SPECC1L: variants seen among roughly 807,000 people sequenced by gnomAD.
SPECC1L encodes sperm antigen with calponin homology and coiled-coil domains 1 like.
A neutral mutation model predicts 116.8 loss-of-function variants in SPECC1L; 40 were observed. That is an observed-to-expected ratio of 0.34 (90% CI 0.27 to 0.45). The LOEUF is 0.45. Ranked by LOEUF, SPECC1L falls within the 20% of genes least tolerant of loss-of-function variation. The pLI, the probability that SPECC1L is intolerant of heterozygous loss-of-function variation, is 1.00. For missense variants in SPECC1L, 1,110 were observed against 1,373.6 expected (o/e 0.81, Z 3.03); for synonymous variants, 504 against 500.6 (o/e 1.01, Z -0.09).
Position 24,411,572 on chromosome 22 carries a change from T to TC in SPECC1L, c.3088-15dup, listed in dbSNP as rs1364435268. On this transcript the variant is annotated splice_polypyrimidine_tract_variant and intron_variant, in intron 14 of 16. Coordinates refer to ENST00000314328, the MANE Select transcript of SPECC1L (RefSeq NM_015330.6). ...CCAGCATGTGTTGGTTACATGTTTT[T>TC]CTTCCTTTCCTTCAGAATATTGACA... The TC allele has an allele frequency of 6.2e-7, 1 of 1,610,906 alleles. No individual in the cohort carries two copies. The highest frequency in any genetic ancestry group is 8.5e-7 in the Non-Finnish European group (1 of 1,177,258).
chr22:24,345,755 G>A (rs949896980), intron 10 of SPECC1L, among the ~76,000 whole-genome samples: 3 of 152,172 alleles, frequency 2.0e-5, no homozygotes, highest in Admixed American at 6.5e-5. Context: ...AAAGGCTGAC[G>A]ATCTGAAGTG....
At chr22:24,388,786 T>C (rs909680753) in intron 14 of SPECC1L, among the ~76,000 whole-genome samples, 2 of 109,470 alleles carry the variant, frequency 1.8e-5, no homozygotes, top group Non-Finnish European at 4.0e-5. Flanking sequence ...ACAGATATCT[T>C]ATAAAAGTTA....
chr22:24,371,917 C>T (rs765069132), intron 14 of SPECC1L, among the ~76,000 whole-genome samples: 5 of 152,154 alleles, frequency 3.3e-5, no homozygotes, highest in Admixed American at 6.5e-5. Flanking sequence ...GACGAGGTTT[C>T]GCCATGTTGG....
intron 2 of SPECC1L, among the ~76,000 whole-genome samples, chr22:24,278,235 C>T (rs1285819333): frequency 2.6e-5 from 4 of 152,176 alleles, no homozygotes; most frequent in Non-Finnish European, 5.9e-5. Context: ...GTGGCACACA[C>T]CTGTAGTCCC....
At chr22:24,360,954 G>A (rs182960164) in intron 11 of SPECC1L, among the ~76,000 whole-genome samples, 262 of 152,274 alleles carry the variant, frequency 1.7e-3, no homozygotes, top group Admixed American at 4.2e-3. Flanking sequence ...CTTATGGGTT[G>A]TTTACACAGA....
intron 3 of SPECC1L, among the ~76,000 whole-genome samples, chr22:24,304,700 TTAA>T (rs2049454239): frequency 6.6e-6 from 1 of 152,264 alleles, no homozygotes; most frequent in Admixed American, 6.5e-5. Flanking sequence ...CAGACATGAA[TTAA>T]TAAGCTTCAG....
chr22:24,377,780 AG>A (rs778589083), intron 14 of SPECC1L, among the ~76,000 whole-genome samples: 2 of 152,240 alleles, frequency 1.3e-5, no homozygotes, highest in Non-Finnish European at 2.9e-5. Context: ...TGAAAGGAAC[AG>A]TGGGCTTAAA....
chr22:24,397,505 G>A (rs764860085), intron 14 of SPECC1L, among the ~76,000 whole-genome samples: 40 of 152,138 alleles, frequency 2.6e-4, no homozygotes, highest in Non-Finnish European at 5.1e-4. Flanking sequence ...CAGGTGCTTG[G>A]AGGGTGAGGT....
At chr22:24,275,150 G>A (rs1459996844) in intron 1 of SPECC1L, among the ~76,000 whole-genome samples, 1 of 152,234 alleles carries the variant, frequency 6.6e-6, no homozygotes, top group Non-Finnish European at 1.5e-5. Flanking sequence ...TTGGGATTTG[G>A]CACACTATGT....
chr22:24,312,777 T>A (rs947299330), intron 3 of SPECC1L, among the ~76,000 whole-genome samples: 5 of 152,216 alleles, frequency 3.3e-5, no homozygotes, highest in African/African-American at 1.2e-4. Flanking sequence ...GTAAAGCCTC[T>A]AGTTTTTTAT....
At chr22:24,277,827 A>G (rs927666509) in intron 2 of SPECC1L, among the ~76,000 whole-genome samples, 1 of 152,262 alleles carries the variant, frequency 6.6e-6, no homozygotes, top group Non-Finnish European at 1.5e-5. Context: ...GAATAATGCT[A>G]CTGTGAACAA....
intron 3 of SPECC1L, among the ~76,000 whole-genome samples, chr22:24,310,697 C>G (rs2040445750): frequency 6.6e-6 from 1 of 151,870 alleles, no homozygotes; most frequent in South Asian, 2.1e-4. Flanking sequence ...AATTTTAAAG[C>G]ATTCTGTGTT....
rs775908018 is a variant in SPECC1L, at chr22:24,313,418, T to A, written c.259T>A (p.Ser87Thr). 6.2e-7 allele frequency: 1 copy of A among 1,614,206 alleles called. No individual in the cohort carries two copies. The highest frequency in any genetic ancestry group is 8.5e-7 in the Non-Finnish European group (1 of 1,180,040). The part of the protein sequence containing the change: ...STCPSAAPSA[S>T]APAMTTVENK... ...CTGCCCATCTGCAGCACCTTCAGCA[T>A]CTGCCCCTGCCATGACCACCGTGGA... The change falls in exon 4 of 17, where the codon TCT becomes ACT. Residue 87 changes from serine (S) to threonine (T), a missense_variant. Coordinates refer to ENST00000314328, the MANE Select transcript of SPECC1L (RefSeq NM_015330.6).
At chr22:24,291,924 A>G (rs2049163929) in intron 2 of SPECC1L, among the ~76,000 whole-genome samples, 1 of 152,240 alleles carries the variant, frequency 6.6e-6, no homozygotes, top group Non-Finnish European at 1.5e-5. Context: ...TATTAATTAA[A>G]TAGGAAATTT....
In SPECC1L at chr22:24,414,751, C is replaced by A; in HGVS notation, c.*128C>A. Reference sequence around the variant, plus strand: ...CTGGGCTGCCCCACAGCGTGTGAGCCTCCAGCTCGGGGCTTCCGTATTGGA... The same window carrying A: ...CTGGGCTGCCCCACAGCGTGTGAGCATCCAGCTCGGGGCTTCCGTATTGGA... On this transcript the variant is annotated 3_prime_UTR_variant, in exon 17 of 17. Transcript: ENST00000314328. 1 of 791,512 alleles carries A rather than the reference C, an allele frequency of 1.3e-6. No homozygotes were observed. The highest frequency in any genetic ancestry group is 2.1e-6 in the Non-Finnish European group (1 of 470,362). 49.0% of individuals were successfully genotyped at this position (791,512 alleles called of 1,614,324 possible).
chr22:24,318,623 GA>G (rs1206575446), intron 4 of SPECC1L, among the ~76,000 whole-genome samples: 3 of 151,938 alleles, frequency 2.0e-5, no homozygotes, highest in Admixed American at 2.0e-4. Context: ...TAATGTTGGG[GA>G]AAAAAGTTAC....
intron 2 of SPECC1L, among the ~76,000 whole-genome samples, chr22:24,286,937 T>C (rs541361327): frequency 2.0e-5 from 3 of 152,212 alleles, no homozygotes; most frequent in African/African-American, 7.2e-5. Flanking sequence ...AATAAGTAAA[T>C]GTGAATTTCA....
chr22:24,365,697 T>G (rs1456710978), intron 13 of SPECC1L, 65 bp downstream of exon 13: 29 of 1,574,372 alleles, frequency 1.8e-5, no homozygotes, highest in Non-Finnish European at 2.0e-5. Flanking sequence ...CAGTAAATGA[T>G]CAAGTTGTAA....
intron 12 of SPECC1L, among the ~76,000 whole-genome samples, 171 bp downstream of exon 12, chr22:24,363,515 CTG>C (rs1479103632): frequency 1.3e-5 from 2 of 152,210 alleles, no homozygotes; most frequent in African/African-American, 2.4e-5. Context: ...GTGTGAGCCA[CTG>C]TGCCCGGCCT....
Sources: allele counts gnomAD v4.1 joint callset (sites outside exome capture counted in the v4.1 genomes callset), GRCh38; gene constraint gnomAD v4.1.1; transcripts MANE v1.5; gene names NCBI Gene and HGNC (gene_info 2026-07-23, HGNC 2026-07-21).